CBX1: variants seen among roughly 807,000 people sequenced by gnomAD.
CBX1 encodes the protein chromobox protein homolog 1.
CBX1 carries 10 observed loss-of-function variants against 25.1 expected under a neutral mutation model. That is an observed-to-expected ratio of 0.40 (90% CI 0.25 to 0.68). The LOEUF is 0.68. Ranked by LOEUF, CBX1 falls within the 30% of genes least tolerant of loss-of-function variation. The pLI, the probability that CBX1 is intolerant of heterozygous loss-of-function variation, is 0.40. For missense variants in CBX1, 106 were observed against 218.5 expected, an observed-to-expected ratio of 0.49 and a Z score of 3.25; for synonymous variants, 63 against 79.4, an observed-to-expected ratio of 0.79 and a Z score of 1.10.
At chr17:48,083,001 G>A (rs746304693) in intron 1 of CBX1, among the ~76,000 whole-genome samples, 2 of 149,108 alleles carry the variant, frequency 1.3e-5, no homozygotes, top group African/African-American at 2.6e-5. Flanking sequence ...CAAGTAGCTG[G>A]GATTATTGGC....
At chr17:48,089,201 C>T (rs111865079) in intron 1 of CBX1, among the ~76,000 whole-genome samples, 5,220 of 149,822 alleles carry the variant, frequency 0.035, 106 homozygotes, top group South Asian at 0.052. Context: ...CCCAGGTTCA[C>T]GCCATTCTCC....
intron 1 of CBX1, among the ~76,000 whole-genome samples, chr17:48,085,441 T>C (rs1015453214): frequency 4.8e-4 from 73 of 152,196 alleles, no homozygotes; most frequent in African/African-American, 1.6e-3. Flanking sequence ...CTCCAGCCTG[T>C]ATAAGGAAAG....
chr17:48,094,662 G>C (rs530219871), intron 1 of CBX1, among the ~76,000 whole-genome samples: 1 of 148,960 alleles, frequency 6.7e-6, no homozygotes, highest in Non-Finnish European at 1.5e-5. Context: ...TCCGGAAAAC[G>C]GGGTTAGGAT....
At chr17:48,097,512 G>A (rs1182971698) in intron 1 of CBX1, among the ~76,000 whole-genome samples, 2 of 149,884 alleles carry the variant, frequency 1.3e-5, no homozygotes, top group Non-Finnish European at 3.0e-5. Flanking sequence ...AGCTACTCCG[G>A]AGGCTGAAGC....
chr17:48,093,469 A>G (rs948870562), intron 1 of CBX1, among the ~76,000 whole-genome samples: 1 of 152,220 alleles, frequency 6.6e-6, no homozygotes, highest in Non-Finnish European at 1.5e-5. Flanking sequence ...CGAGGGCATC[A>G]GTAAACATTT....
At chr17:48,081,794 T>C (rs370108404) in intron 1 of CBX1, among the ~76,000 whole-genome samples, 2 of 152,118 alleles carry the variant, frequency 1.3e-5, no homozygotes, top group Non-Finnish European at 2.9e-5. Context: ...AAGAAGAATA[T>C]AGAAAACAGA....
Position 48,101,465 on chromosome 17 carries a change from T to C in CBX1, c.-235A>G, listed in dbSNP as rs1462372905. The C allele has an allele frequency of 2.0e-6, 2 of 985,432 alleles. No individual in the cohort carries two copies. Among genetic ancestry groups the C allele is most frequent in the African/African-American group, 1.7e-5 (1 of 57,210 alleles). 61.0% of individuals were successfully genotyped at this position (985,432 alleles called of 1,614,324 possible). The stretch of plus-strand genomic sequence containing the variant: ...AACAAAAGAGCCTCGCAGTCTGCGC[T>C]GCCCGCCGCTCGCACCGCGCAGGCG... On this transcript the variant is annotated 5_prime_UTR_variant, in exon 1 of 5. Transcript: ENST00000225603.
chr17:48,096,910 T>C (rs776849968), intron 1 of CBX1, among the ~76,000 whole-genome samples: 7 of 151,702 alleles, frequency 4.6e-5, no homozygotes, highest in East Asian at 1.9e-4. Flanking sequence ...CTGGGCAACA[T>C]AGTGAGTCCC....
At chr17:48,085,751 A>T (rs1283770523) in intron 1 of CBX1, among the ~76,000 whole-genome samples, 2 of 152,086 alleles carry the variant, frequency 1.3e-5, no homozygotes, top group African/African-American at 4.8e-5. Flanking sequence ...CTAGAGAGAG[A>T]ACTACTGAGA....
At chr17:48,077,450 T>TG (rs1440118107) in intron 1 of CBX1, among the ~76,000 whole-genome samples, 15,856 of 108,936 alleles carry the variant, frequency 0.15, 1,585 homozygotes, top group East Asian at 0.54. Context: ...TTTTTGTTTT[T>TG]TTTGTTTTTT....
chr17:48,086,054 C>A (rs1312196466), intron 1 of CBX1, among the ~76,000 whole-genome samples: 1 of 151,986 alleles, frequency 6.6e-6, no homozygotes, highest in Non-Finnish European at 1.5e-5. Flanking sequence ...CTGGGTGACA[C>A]AGCGAGACTC....
At chr17:48,091,753 G>C (rs1422609280) in intron 1 of CBX1, among the ~76,000 whole-genome samples, 1 of 151,164 alleles carries the variant, frequency 6.6e-6, no homozygotes, top group Non-Finnish European at 1.5e-5. Context: ...ATGTTGGCCA[G>C]GCTGGTCTCA....
At chr17:48,088,296 G>A (rs914539601) in intron 1 of CBX1, 1 of 148,850 alleles carries the variant, frequency 6.7e-6, no homozygotes, top group Admixed American at 6.8e-5. Context: ...GGGAGACAGT[G>A]TGAGCCTCCG....
intron 2 of CBX1, among the ~76,000 whole-genome samples, chr17:48,076,593 C>T (rs1353202209): frequency 6.6e-6 from 1 of 152,116 alleles, no homozygotes; most frequent in African/African-American, 2.4e-5. Context: ...ATACCTTGAG[C>T]CTGGGAGGTT....
In CBX1 at chr17:48,076,979, T is replaced by C. The variant is rs1290187165; in HGVS notation, c.26A>G (p.Lys9Arg). 9.9e-6 allele frequency: 16 copies of C among 1,613,414 alleles called. No homozygotes were observed. The highest frequency in any genetic ancestry group is 1.4e-5 in the Non-Finnish European group (16 of 1,179,778). MGKKQNKK[K>R]VEEVLEEEEE... is the part of the protein sequence containing the mutation. ...CTCCTCTTCTAGCACCTCCTCCACTTTCTTCTTGTTTTGTTTTTTCCCCAT... is the reference window on the plus strand; with the variant it reads ...CTCCTCTTCTAGCACCTCCTCCACTCTCTTCTTGTTTTGTTTTTTCCCCAT... The change falls in exon 2 of 5, where the codon AAA (lysine) becomes AGA (arginine). Residue 9 changes from lysine to arginine, a missense_variant. Lys to Arg is a conservative substitution (Grantham distance 26, BLOSUM62 2). This residue lies in a region of CBX1 where 19 missense variants were observed against 17.3 expected (regional missense o/e 1.10). Transcript: ENST00000225603.
intron 1 of CBX1, among the ~76,000 whole-genome samples, chr17:48,086,397 C>T (rs1479163257): frequency 1.3e-5 from 2 of 152,164 alleles, no homozygotes; most frequent in South Asian, 2.1e-4. Flanking sequence ...TCTTGGCTGC[C>T]ACCATAAACA....
chr17:48,096,917 T>C (rs2063378435), intron 1 of CBX1, among the ~76,000 whole-genome samples: 1 of 151,258 alleles, frequency 6.6e-6, no homozygotes, highest in East Asian at 2.0e-4. Flanking sequence ...ACATAGTGAG[T>C]CCCTGCCTCT....
At chr17:48,090,560 T>C (rs1192751790) in intron 1 of CBX1, among the ~76,000 whole-genome samples, 1 of 152,172 alleles carries the variant, frequency 6.6e-6, no homozygotes, top group Non-Finnish European at 1.5e-5. Flanking sequence ...TCTCTTGCAA[T>C]GGGTAACTCC....
chr17:48,087,349 G>A (rs1229973998), intron 1 of CBX1, among the ~76,000 whole-genome samples: 2 of 151,864 alleles, frequency 1.3e-5, no homozygotes, highest in African/African-American at 4.8e-5. Context: ...GGCGAGGTGG[G>A]TGGATCACGA....
Sources: gnomAD v4.1 joint callset for allele counts (sites outside exome capture counted in the v4.1 genomes callset) on GRCh38, gnomAD v4.1.1 for gene constraint, gnomAD v4.1.1 regional missense constraint, MANE v1.5 for transcripts, NCBI Gene and HGNC (gene_info 2026-07-23, HGNC 2026-07-21) for gene names.